Variants in GALNT15 observed in about 807,000 individuals in gnomAD.
The protein encoded by GALNT15 is UDP-GalNAc transferase T15.
A neutral mutation model predicts 66.8 loss-of-function variants in GALNT15; 67 were observed. That is an observed-to-expected ratio of 1.00 (90% CI 0.82 to 1.23). The LOEUF (loss-of-function observed/expected upper bound fraction) is 1.23, where lower values mean the gene tolerates loss of function less well. Ranked by LOEUF, GALNT15 falls within the 50% of genes most tolerant of loss-of-function variation. The pLI is 0.00. For missense variants in GALNT15, 827 were observed against 804.3 expected (o/e 1.03, Z -0.34); for synonymous variants, 313 against 311.5 (o/e 1.00, Z -0.05).
the GALNT15 span, among the ~76,000 whole-genome samples, chr3:16,243,846 A>G: frequency 1.3e-5 from 2 of 152,226 alleles, no homozygotes; most frequent in African/African-American, 4.8e-5. Flanking sequence ...TCATTTTCAC[A>G]GTGTGCTGGG....
At chr3:16,179,886 G>T (rs2063451034) in intron 1 of GALNT15, among the ~76,000 whole-genome samples, 1 of 152,176 alleles carries the variant, frequency 6.6e-6, no homozygotes, top group Non-Finnish European at 1.5e-5. Flanking sequence ...CTTCAAAGCT[G>T]CTGTCAAAGA....
chr3:16,195,873 T>A lies in GALNT15; in HGVS notation c.653T>A (p.Val218Glu), dbSNP rs2063628107. 6.2e-7 allele frequency: 1 copy of A among 1,614,030 alleles called. No homozygotes were observed. Among genetic ancestry groups the A allele is most frequent in the South Asian group, 1.1e-5 (1 of 91,082 alleles). ...LRTVHSILDT[V>E]PRAFLKEIIL... ...ACTGTACACAGCATCCTCGACACAG[T>A]GCCCAGGGCCTTCCTGAAGGAGATC... Residue 218 changes from valine (V) to glutamate (E), a missense_variant, in exon 2 of 10, where the codon GTG (valine) becomes GAG (glutamate). Physicochemically the swap from Val to Glu is moderately radical, Grantham distance 121. Transcript: ENST00000339732. This position sits in a 1 kb window ranked among gnomAD's most constrained non-coding sequence, Gnocchi z 4.6.
At chr3:16,218,832 T>C (rs1034433241) in intron 6 of GALNT15, among the ~76,000 whole-genome samples, 1 of 133,154 alleles carries the variant, frequency 7.5e-6, no homozygotes, top group Non-Finnish European at 1.6e-5. Context: ...TTTTTTTTTT[T>C]GCGAGGAAGT....
At chr3:16,235,809 A>G (rs1330421756), downstream of GALNT15, among the ~76,000 whole-genome samples, 3 of 152,098 alleles carry the variant, frequency 2.0e-5, no homozygotes, top group Non-Finnish European at 2.9e-5. Flanking sequence ...GATACCAGTA[A>G]GACTAGGCAT....
Position 16,195,691 on chromosome 3 carries a change from A to AGT in GALNT15, c.540-68_540-67dup. On this transcript the variant is annotated intron_variant, in intron 1 of 9. Transcript: ENST00000339732. This position sits in a 1 kb window ranked among gnomAD's most constrained non-coding sequence, Gnocchi z 4.6. ...AGCTCCAGCCAGAGCAAAGGAAGCG[A>AGT]GTTAGAGGGTGTGGAGTGTTTCTTG... is the stretch of plus-strand genomic sequence containing the variant. The AGT allele has an allele frequency of 7.1e-7, 1 of 1,413,958 alleles. No homozygotes were observed. The highest frequency in any genetic ancestry group is 1.3e-5 in the South Asian group (1 of 76,682). The allele number at this position is 1,413,958 out of a possible 1,614,324, so 87.6% of individuals were successfully genotyped here.
At position 16,178,725 on chromosome 3, in the gene GALNT15, G is replaced by T. The variant is rs149288027; in HGVS notation, c.539+3035G>T. Among the ~76,000 whole-genome samples, 20 of 152,260 alleles carry T rather than the reference G, an allele frequency of 1.3e-4. No individual in the cohort carries two copies. In the East Asian group the frequency reaches 3.7e-3, roughly 28 times the overall value. ...TTCGGCTCCTACCCCTTTAAATCTG[G>T]GCCACAATACAACACAGAAGAGAAA... On this transcript the variant is annotated intron_variant, in intron 1 of 9. Coordinates refer to ENST00000339732, the MANE Select transcript of GALNT15 (RefSeq NM_054110.5).
intron 1 of GALNT15, among the ~76,000 whole-genome samples, chr3:16,178,226 ACT>A (rs2063431534): frequency 6.6e-6 from 1 of 151,942 alleles, no homozygotes; most frequent in Non-Finnish European, 1.5e-5. Flanking sequence ...TGTGATGTGC[ACT>A]GTGAGTTGCG....
Position 16,228,804 on chromosome 3 carries a change from T to C in GALNT15, c.*1304T>C. 1 of 985,420 alleles carries C rather than the reference T, an allele frequency of 1.0e-6. No homozygotes were observed. The highest frequency in any genetic ancestry group is 1.2e-6 in the Non-Finnish European group (1 of 829,938). 61.0% of individuals were successfully genotyped at this position (985,420 alleles called of 1,614,324 possible). On this transcript the variant is annotated 3_prime_UTR_variant, in exon 10 of 10. Coordinates refer to ENST00000339732, the MANE Select transcript of GALNT15 (RefSeq NM_054110.5). ...ATGACAGGTAACATTTGGGTGTTAATGTCCATGAGAGCTGACAGGGCCATC... is the reference window on the plus strand; with the variant it reads ...ATGACAGGTAACATTTGGGTGTTAACGTCCATGAGAGCTGACAGGGCCATC...
In GALNT15 at chr3:16,200,597, A is replaced by G. The variant is rs1317671152; in HGVS notation, c.707-22A>G. Reference sequence around the variant, plus strand: ...GGTTGTGGCATTTGTCATTCCACTGACCACAACCCTGTTGATTCCAGGACA... The same window carrying G: ...GGTTGTGGCATTTGTCATTCCACTGGCCACAACCCTGTTGATTCCAGGACA... On this transcript the variant is annotated intron_variant, in intron 2 of 9. Transcript: ENST00000339732. This position sits in a 1 kb window ranked among gnomAD's most constrained non-coding sequence, Gnocchi z 4.4. The G allele has an allele frequency of 6.7e-7, 1 of 1,488,148 alleles. No homozygotes were observed. Among genetic ancestry groups the G allele is most frequent in the Non-Finnish European group, 9.0e-7 (1 of 1,115,578 alleles). The allele number at this position is 1,488,148 out of a possible 1,614,324, so 92.2% of individuals were successfully genotyped here. A position where few individuals can be genotyped will look rare whatever the true frequency, so the allele number is the denominator to read the frequency against.
At chr3:16,243,674 T>A in the GALNT15 span, among the ~76,000 whole-genome samples, 1 of 152,172 alleles carries the variant, frequency 6.6e-6, no homozygotes, top group East Asian at 1.9e-4. Context: ...TGGGAAAAGA[T>A]TGGGAAGCAT....
chr3:16,244,713 T>C, the GALNT15 span, among the ~76,000 whole-genome samples: 1 of 152,260 alleles, frequency 6.6e-6, no homozygotes, highest in East Asian at 1.9e-4. Flanking sequence ...GCTCATCTCT[T>C]TCTTACCAGA....
At position 16,219,490 on chromosome 3, in the gene GALNT15, C is replaced by T; in HGVS notation, c.1480C>T (p.Pro494Ser). 1 of 1,614,160 alleles carries T rather than the reference C, an allele frequency of 6.2e-7. No individual in the cohort carries two copies. Among genetic ancestry groups the T allele is most frequent in the Non-Finnish European group, 8.5e-7 (1 of 1,180,020 alleles). The change falls in exon 7 of 10, where the codon CCT becomes TCT. Residue 494 changes from proline to serine, a missense_variant. Coordinates refer to ENST00000339732, the MANE Select transcript of GALNT15 (RefSeq NM_054110.5). This position sits in a 1 kb window ranked among gnomAD's most constrained non-coding sequence, Gnocchi z 4.3. Reference protein sequence around the residue: ...TFHWFLANVYPELYPSEPRPS... With the variant: ...TFHWFLANVYSELYPSEPRPS... ...CCACTGGTTTCTGGCTAATGTCTAC[C>T]CTGAGCTGTACCCATCTGAACCCAG...
chr3:16,201,336 C>T (rs867226220), intron 3 of GALNT15, among the ~76,000 whole-genome samples: 14 of 152,082 alleles, frequency 9.2e-5, no homozygotes, highest in South Asian at 2.1e-4. Flanking sequence ...CGCCCGCCAC[C>T]ACACCCGGCT....
intron 6 of GALNT15, among the ~76,000 whole-genome samples, chr3:16,217,050 G>A (rs2063887088): frequency 6.6e-6 from 1 of 152,140 alleles, no homozygotes; most frequent in African/African-American, 2.4e-5. Context: ...ATCCTCTCCT[G>A]CCCTGCTTAT....
chr3:16,226,951 A>T (rs916100704), intron 9 of GALNT15, among the ~76,000 whole-genome samples: 5 of 152,222 alleles, frequency 3.3e-5, no homozygotes, highest in Non-Finnish European at 5.9e-5. Flanking sequence ...CAGCCTGGTA[A>T]CAACAGTGCC....
rs182234059 is a variant in GALNT15, at chr3:16,211,293, A to T, written c.1197+52A>T. On this transcript the variant is annotated intron_variant, in intron 5 of 9. Transcript: ENST00000339732. The surrounding 1 kb of genome is among the most constrained non-coding windows in gnomAD (Gnocchi z 4.3). ...AGGTGGGATCTCTGGAGTGGTGTGTATGGTCACAGCTCAGAGGCAGGCATT... is the reference window on the plus strand; with the variant it reads ...AGGTGGGATCTCTGGAGTGGTGTGTTTGGTCACAGCTCAGAGGCAGGCATT... The T allele has an allele frequency of 5.2e-6, 6 of 1,147,982 alleles. No individual in the cohort carries two copies. In the East Asian group the frequency reaches 9.4e-5, roughly 18 times the overall value. The allele number at this position is 1,147,982 out of a possible 1,614,324, so 71.1% of individuals were successfully genotyped here.
At position 16,181,749 on chromosome 3, in the gene GALNT15, G is replaced by T. The variant is rs1448946748; in HGVS notation, c.539+6059G>T. 2.0e-5 allele frequency among the ~76,000 whole-genome samples: 3 copies of T among 152,154 alleles called. No individual in the cohort carries two copies. The highest frequency in any genetic ancestry group is 4.4e-5 in the Non-Finnish European group (3 of 68,032). ...GAACAAGCTGGGCTTGAGACCTGGG[G>T]CTGGAACTTAGCTCAATTCCCCCCA... is the stretch of plus-strand genomic sequence containing the variant. On this transcript the variant is annotated intron_variant, in intron 1 of 9. Transcript: ENST00000339732. This position sits in a 1 kb window ranked among gnomAD's most constrained non-coding sequence, Gnocchi z 5.9.
chr3:16,236,243 C>CA (rs2064125448), downstream of GALNT15, among the ~76,000 whole-genome samples: 1 of 150,598 alleles, frequency 6.6e-6, no homozygotes, highest in Non-Finnish European at 1.5e-5. Flanking sequence ...CAGGATATTT[C>CA]AAAATTATGT....
chr3:16,210,853 T>G (rs867993141), intron 4 of GALNT15, among the ~76,000 whole-genome samples: 3 of 152,214 alleles, frequency 2.0e-5, no homozygotes, highest in Admixed American at 2.0e-4. Context: ...CAGGGGAGTC[T>G]CAGGTGTGGT....
Sources: gnomAD v4.1 joint callset for allele counts (sites outside exome capture counted in the v4.1 genomes callset) on GRCh38, gnomAD v4.1.1 for gene constraint, Gnocchi (gnomAD v3.1) non-coding constraint, MANE v1.5 for transcripts, NCBI Gene and HGNC (gene_info 2026-07-23, HGNC 2026-07-21) for gene names.